UGT1A9: variants seen among roughly 807,000 people sequenced by gnomAD.
The protein encoded by UGT1A9 is UDP glucuronosyltransferase family 1 member A9, also known as UDP-glucuronosyltransferase 1A9.
A neutral mutation model predicts 45.0 loss-of-function variants in UGT1A9; 35 were observed. The observed-to-expected ratio is 0.78, with a 90% CI of 0.59 to 1.03. UGT1A9 has a LOEUF of 1.03. Among genes scored for constraint, UGT1A9 ranks in the 50% least tolerant of loss-of-function variants. UGT1A9 has a pLI of 0.00. For missense variants in UGT1A9, 687 were observed against 666.6 expected (o/e 1.03, Z -0.34); for synonymous variants, 278 against 250.6 (o/e 1.11, Z -1.03).
chr2:233,674,488 CT>C (rs1376155466), intron 1 of UGT1A9, among the ~76,000 whole-genome samples: 6 of 152,294 alleles, frequency 3.9e-5, no homozygotes, highest in Non-Finnish European at 8.8e-5. Context: ...CTGCCACTTC[CT>C]GAACCCACAC....
intron 1 of UGT1A9, chr2:233,729,145 G>T (rs564123639): frequency 1.9e-6 from 3 of 1,613,372 alleles, no homozygotes; most frequent in Non-Finnish European, 2.5e-6. Flanking sequence ...AGGACTCCAG[G>T]TTCCCCTGCC....
At chr2:233,714,395 G>A (rs2076384323) in intron 1 of UGT1A9, among the ~76,000 whole-genome samples, 1 of 152,148 alleles carries the variant, frequency 6.6e-6, no homozygotes, top group African/African-American at 2.4e-5. Context: ...GGCCAATGTA[G>A]GTGCAATGGA....
At chr2:233,747,637 A>G in intron 1 of UGT1A9, 1 of 1,582,234 alleles carries the variant, frequency 6.3e-7, no homozygotes, top group Non-Finnish European at 8.7e-7. Flanking sequence ...AGGCACCTGA[A>G]TGCTACTTCC....
chr2:233,712,925 A>G (rs1228772732), intron 1 of UGT1A9: 1 of 1,611,920 alleles, frequency 6.2e-7, no homozygotes, highest in African/African-American at 1.3e-5. Flanking sequence ...GGTAATTAAG[A>G]CGAAGGAAAC....
chr2:233,768,233 C>A lies in UGT1A9; in HGVS notation c.1089C>A (p.Thr363=), dbSNP rs1699591703. The change falls in exon 4 of 5, where the codon ACC becomes ACA. Residue 363 remains threonine, a synonymous_variant. Coordinates refer to ENST00000354728, the MANE Select transcript of UGT1A9 (RefSeq NM_021027.3). ...PQNDLLGHPM[T]RAFITHAGSH... ...TTTGCATCTCAGGTCACCCGATGAC[C>A]CGTGCCTTTATCACCCATGCTGGTT... 6.2e-7 allele frequency: 1 copy of A among 1,614,170 alleles called. No homozygotes were observed. The highest frequency in any genetic ancestry group is 8.5e-7 in the Non-Finnish European group (1 of 1,180,028).
intron 1 of UGT1A9, among the ~76,000 whole-genome samples, chr2:233,676,610 T>G (rs2074366554): frequency 6.6e-6 from 1 of 152,204 alleles, no homozygotes; most frequent in African/African-American, 2.4e-5. Flanking sequence ...CTTTGTCTCC[T>G]CCAGCCTGTG....
At chr2:233,689,209 A>T (rs1235533582) in intron 1 of UGT1A9, among the ~76,000 whole-genome samples, 1 of 152,232 alleles carries the variant, frequency 6.6e-6, no homozygotes, top group African/African-American at 2.4e-5. Flanking sequence ...TGGGCAAGCC[A>T]TACTTACCTG....
intron 1 of UGT1A9, chr2:233,717,940 C>A (rs186673267): frequency 2.2e-6 from 1 of 453,716 alleles, no homozygotes; most frequent in East Asian, 7.0e-5. Flanking sequence ...AGTCTCTATG[C>A]AGACTTGCAG....
chr2:233,691,144 GT>G (rs951408095), intron 1 of UGT1A9: 5 of 985,646 alleles, frequency 5.1e-6, no homozygotes, highest in Non-Finnish European at 6.0e-6. Context: ...TAGATGAACT[GT>G]TCTTTGAAGG....
At chr2:233,760,461 T>A in intron 1 of UGT1A9, 1 of 1,614,224 alleles carries the variant, frequency 6.2e-7, no homozygotes, top group Non-Finnish European at 8.5e-7. Context: ...ATGAAATAGT[T>A]GTCCTAGCAC....
intron 1 of UGT1A9, among the ~76,000 whole-genome samples, chr2:233,748,454 G>C (rs780753495): frequency 1.7e-4 from 26 of 151,822 alleles, no homozygotes; most frequent in Non-Finnish European, 3.7e-4. Flanking sequence ...ATTTTCAGGG[G>C]AAAGATGATG....
At chr2:233,700,813 C>CAT (rs2075589414) in intron 1 of UGT1A9, among the ~76,000 whole-genome samples, 1 of 151,890 alleles carries the variant, frequency 6.6e-6, no homozygotes, top group African/African-American at 2.4e-5. Context: ...TGTTGGTGTG[C>CAT]TGCACCCATT....
intron 1 of UGT1A9, among the ~76,000 whole-genome samples, chr2:233,697,135 A>C (rs899177042): frequency 2.0e-5 from 3 of 152,062 alleles, no homozygotes; most frequent in African/African-American, 7.2e-5. Context: ...TTTTTCTGTA[A>C]TAGTTTGAGT....
intron 1 of UGT1A9, among the ~76,000 whole-genome samples, chr2:233,758,813 G>T (rs1033516774): frequency 6.6e-6 from 1 of 152,176 alleles, no homozygotes; most frequent in Non-Finnish European, 1.5e-5. Context: ...TAGTACAGCA[G>T]TATATCCCCC....
chr2:233,719,160 A>G (rs2125666938), intron 1 of UGT1A9: 1 of 1,614,264 alleles, frequency 6.2e-7, no homozygotes, highest in South Asian at 1.1e-5. Flanking sequence ...TTCTAGAAGT[A>G]TGGCAATTAT....
intron 1 of UGT1A9, among the ~76,000 whole-genome samples, chr2:233,766,262 CCCGGG>C (rs2126023646): frequency 2.9e-5 from 2 of 68,082 alleles, no homozygotes; most frequent in East Asian, 5.0e-4. Flanking sequence ...CGCTCAGTGG[CCCGGG>C]CTCGGTGGCC....
At chr2:233,761,616 T>C (rs1314305067) in intron 1 of UGT1A9, among the ~76,000 whole-genome samples, 1 of 152,246 alleles carries the variant, frequency 6.6e-6, no homozygotes, top group East Asian at 1.9e-4. Flanking sequence ...AATATTCTGA[T>C]AAGAAGCTAA....
At chr2:233,703,465 T>C (rs368098064) in intron 1 of UGT1A9, among the ~76,000 whole-genome samples, 9 of 152,274 alleles carry the variant, frequency 5.9e-5, no homozygotes, top group African/African-American at 2.2e-4. Flanking sequence ...CTCTATTCTT[T>C]ATTATTTTCT....
rs149243985 is a variant in UGT1A9, at chr2:233,751,326, T to A, written c.856-15708T>A. ...ATTTACCCAATTTCTGTACCCCCAT[T>A]GTGTCTTGGAAGTTACTTTTGATTT... On this transcript the variant is annotated intron_variant, in intron 1 of 4. Coordinates refer to ENST00000354728, the MANE Select transcript of UGT1A9 (RefSeq NM_021027.3). Among the ~76,000 whole-genome samples the A allele has an allele frequency of 2.6e-5, 4 of 152,018 alleles. No homozygotes were observed. The East Asian group carries it at 5.8e-4, about 22-fold the overall frequency.
Sources: gnomAD v4.1 joint callset for allele counts (sites outside exome capture counted in the v4.1 genomes callset) on GRCh38, gnomAD v4.1.1 for gene constraint, MANE v1.5 for transcripts, NCBI Gene and HGNC (gene_info 2026-07-23, HGNC 2026-07-21) for gene names.